The following ARMH3 variants were observed in gnomAD, a reference collection of about 807,000 sequenced individuals.
The protein encoded by ARMH3 is armadillo like helical domain containing 3, also known as armadillo-like helical domain-containing protein 3.
ARMH3 carries 60 observed loss-of-function variants against 99.1 expected under a neutral mutation model. The observed-to-expected ratio is 0.61, with a 90% CI of 0.49 to 0.75. The LOEUF is 0.75. ARMH3 is among the 30% of genes least tolerant of loss of function. The pLI is 0.00. For missense variants in ARMH3, 679 were observed against 843.1 expected (o/e 0.81, Z 2.41); for synonymous variants, 285 against 292.8 (o/e 0.97, Z 0.27).
At chr10:101,969,227 T>C (rs1219099313) in intron 20 of ARMH3, among the ~76,000 whole-genome samples, 1 of 152,188 alleles carries the variant, frequency 6.6e-6, no homozygotes, top group Non-Finnish European at 1.5e-5. Context: ...TGGAGGAAGC[T>C]GGGTGAAGGG....
At chr10:101,952,845 C>G (rs1844852601) in intron 22 of ARMH3, 1 of 152,186 alleles carries the variant, frequency 6.6e-6, no homozygotes, top group East Asian at 1.9e-4. Flanking sequence ...TCCCAAAGCC[C>G]CTGGTAATCA....
intron 23 of ARMH3, among the ~76,000 whole-genome samples, chr10:101,898,825 G>A (rs2067906201): frequency 6.6e-6 from 1 of 152,160 alleles, no homozygotes; most frequent in South Asian, 2.1e-4. Context: ...AAAAAATTTG[G>A]ATCTTAAGCT....
At chr10:102,026,846 T>C (rs1445751755) in intron 5 of ARMH3, among the ~76,000 whole-genome samples, 1 of 152,176 alleles carries the variant, frequency 6.6e-6, no homozygotes, top group Non-Finnish European at 1.5e-5. Context: ...GATGATGGAT[T>C]TAAAGATGGT....
chr10:101,849,735 G>A, intron 25 of ARMH3, 41 bp downstream of exon 25: 4 of 1,547,014 alleles, frequency 2.6e-6, no homozygotes, highest in Non-Finnish European at 3.6e-6. Context: ...GTGGCTGGGG[G>A]CGGGCCCCTA....
chr10:101,890,895 G>A (rs1430869873), intron 23 of ARMH3, among the ~76,000 whole-genome samples: 1 of 136,676 alleles, frequency 7.3e-6, no homozygotes, highest in African/African-American at 2.8e-5. Flanking sequence ...TTTTTTTTGA[G>A]ACAGGGTCTC....
At chr10:101,960,243 A>G (rs1403921521) in intron 20 of ARMH3, among the ~76,000 whole-genome samples, 1 of 152,190 alleles carries the variant, frequency 6.6e-6, no homozygotes, top group East Asian at 1.9e-4. Context: ...CTGACATCAC[A>G]GATGGTAATT....
intron 24 of ARMH3, among the ~76,000 whole-genome samples, chr10:101,882,733 G>A (rs1333415923): frequency 6.6e-6 from 1 of 152,060 alleles, no homozygotes. Flanking sequence ...TCCTGACCTC[G>A]TGATCTGCCC....
chr10:101,930,679 T>G (rs1468110975), intron 23 of ARMH3, among the ~76,000 whole-genome samples: 1 of 152,180 alleles, frequency 6.6e-6, no homozygotes, highest in African/African-American at 2.4e-5. Flanking sequence ...AGTTCCAGTA[T>G]TGCCCCTGAT....
At chr10:101,962,876 A>T (rs1021381752) in intron 20 of ARMH3, among the ~76,000 whole-genome samples, 9 of 152,244 alleles carry the variant, frequency 5.9e-5, no homozygotes, top group African/African-American at 1.4e-4. Flanking sequence ...GCCACCAAAA[A>T]CCATACTTTG....
At chr10:101,909,463 C>CTTTTTTTT (rs61122631) in intron 23 of ARMH3, among the ~76,000 whole-genome samples, 6 of 71,714 alleles carry the variant, frequency 8.4e-5, no homozygotes, top group Non-Finnish European at 1.2e-4. Context: ...CAAGCTTCCT[C>CTTTTTTTT]TTTTTTTTTT....
chr10:101,886,915 A>G (rs1267112282), intron 24 of ARMH3, among the ~76,000 whole-genome samples: 1 of 152,176 alleles, frequency 6.6e-6, no homozygotes, highest in Non-Finnish European at 1.5e-5. Context: ...TTTAGAATCT[A>G]TTGAGGATTA....
intron 1 of ARMH3, among the ~76,000 whole-genome samples, chr10:102,043,229 G>C (rs2067464501): frequency 6.6e-6 from 1 of 152,126 alleles, no homozygotes; most frequent in East Asian, 1.9e-4. Flanking sequence ...AAATTGCAAG[G>C]CATAATGGAA....
intron 23 of ARMH3, among the ~76,000 whole-genome samples, chr10:101,934,872 A>G (rs1450635984): frequency 1.3e-5 from 2 of 152,080 alleles, no homozygotes; most frequent in African/African-American, 4.8e-5. Flanking sequence ...TTGCCTGCCA[A>G]GTGTTGGCAG....
chr10:101,962,215 G>C (rs1235496412), intron 20 of ARMH3, among the ~76,000 whole-genome samples: 1 of 152,206 alleles, frequency 6.6e-6, no homozygotes, highest in East Asian at 1.9e-4. Context: ...CTTGGTAGTT[G>C]AGACTTTCCA....
At chr10:102,033,589 T>C (rs1341790220) in intron 2 of ARMH3, among the ~76,000 whole-genome samples, 1 of 152,094 alleles carries the variant, frequency 6.6e-6, no homozygotes, top group African/African-American at 2.4e-5. Flanking sequence ...CGGCTAATTT[T>C]TTGTATTTTC....
intron 24 of ARMH3, among the ~76,000 whole-genome samples, chr10:101,866,512 A>AAAG (rs2067008412): frequency 6.6e-6 from 1 of 152,018 alleles, no homozygotes; most frequent in African/African-American, 2.4e-5. Flanking sequence ...AAGAAAAGGA[A>AAAG]AAGAAATTTA....
intron 24 of ARMH3, among the ~76,000 whole-genome samples, chr10:101,874,899 T>C (rs1052559654): frequency 6.6e-6 from 1 of 152,156 alleles, no homozygotes; most frequent in Non-Finnish European, 1.5e-5. Flanking sequence ...ACTCCGTTCA[T>C]GTACATCAGC....
intron 23 of ARMH3, among the ~76,000 whole-genome samples, chr10:101,934,260 G>C (rs1457660210): frequency 6.6e-6 from 1 of 152,218 alleles, no homozygotes; most frequent in Non-Finnish European, 1.5e-5. Flanking sequence ...GCGCACCCAT[G>C]TATGAGGGGA....
intron 24 of ARMH3, among the ~76,000 whole-genome samples, chr10:101,880,060 T>C (rs1397395173): frequency 6.6e-6 from 1 of 152,160 alleles, no homozygotes; most frequent in Non-Finnish European, 1.5e-5. Context: ...GAAGGCAGGG[T>C]TGGATGGCCA....
Sources: gnomAD v4.1 joint callset for allele counts (sites outside exome capture counted in the v4.1 genomes callset) on GRCh38, gnomAD v4.1.1 for gene constraint, MANE v1.5 for transcripts, NCBI Gene and HGNC (gene_info 2026-07-23, HGNC 2026-07-21) for gene names.